Variants in NFIC observed in about 807,000 individuals in gnomAD.
NFIC encodes nuclear factor 1 C-type.
Under a neutral mutation model 54.4 loss-of-function variants are expected in NFIC, and 12 were observed. The observed-to-expected ratio is 0.22, with a 90% confidence interval of 0.14 to 0.36. The LOEUF (loss-of-function observed/expected upper bound fraction) is 0.36, where lower values mean the gene tolerates loss of function less well. NFIC is among the 10% of genes least tolerant of loss of function. The probability of loss-of-function intolerance (pLI) is 1.00; values close to 1 mark genes in which losing one functional copy is unlikely to be tolerated. For synonymous variants in NFIC, 322 were observed against 319.2 expected (o/e 1.01, Z -0.09); for missense variants, 575 against 718.2 (o/e 0.80, Z 2.28).
upstream of NFIC, among the ~76,000 whole-genome samples, chr19:3,364,475 G>A (rs918735412): frequency 6.6e-5 from 10 of 152,108 alleles, no homozygotes; most frequent in Admixed American, 5.9e-4. Context: ...TGTGTGCTGC[G>A]GGGGTCCCTT....
chr19:3,451,588 G>A (rs1381694481), intron 7 of NFIC, among the ~76,000 whole-genome samples: 1 of 150,158 alleles, frequency 6.7e-6, no homozygotes, highest in Non-Finnish European at 1.5e-5. Context: ...CCATGATCAT[G>A]CCCCTGCACT....
chr19:3,385,563 GGTT>G lies in NFIC; in HGVS notation c.562+3330_562+3332del, dbSNP rs1265868282. On this transcript the variant is annotated intron_variant, in intron 2 of 10. Coordinates refer to ENST00000443272, the MANE Select transcript of NFIC (RefSeq NM_001245002.2). ...GTTTGGGTTTTTTGGGGGTTTTTTTGGTTGTTGTTGTTTTTTTTTTTTTTTTTG... is the reference window on the plus strand; with the variant it reads ...GTTTGGGTTTTTTGGGGGTTTTTTTGGTTGTTGTTTTTTTTTTTTTTTTTG... 5.3e-4 allele frequency among the ~76,000 whole-genome samples: 73 copies of G among 137,782 alleles called. 2 individuals are homozygous for G. In the Middle Eastern group the frequency reaches 0.015, roughly 28 times the overall value. 90.4% of individuals were successfully genotyped at this position (137,782 alleles called of 152,430 possible).
rs1293171109 is a variant in NFIC at position 3,369,274 on chromosome 19, C to G, written c.30+2608C>G. ...GTTTCTCTCCAATATGTCTGTCTGT[C>G]TCTTCATCTCTGTCTCACCTTCCCT... On this transcript the variant is annotated intron_variant, in intron 1 of 10. Coordinates refer to ENST00000443272, the MANE Select transcript of NFIC (RefSeq NM_001245002.2). This position sits in a 1 kb window ranked among gnomAD's most constrained non-coding sequence, Gnocchi z 4.3. 6.6e-6 allele frequency among the ~76,000 whole-genome samples: 1 copy of G among 151,580 alleles called. No homozygotes were observed. Among genetic ancestry groups the G allele is most frequent in the Admixed American group, 6.6e-5 (1 of 15,194 alleles).
In NFIC at chr19:3,462,686, A is replaced by C. The variant is rs6510756; in HGVS notation, c.1510-66A>C. 4.1e-3 allele frequency: 6,390 copies of C among 1,557,814 alleles called. 238 individuals carry two copies. In the African/African-American group the frequency reaches 0.076, roughly 18 times the overall value. On this transcript the variant is annotated intron_variant, in intron 10 of 10. Coordinates refer to ENST00000443272, the MANE Select transcript of NFIC (RefSeq NM_001245002.2). The stretch of plus-strand genomic sequence containing the variant: ...AAGAGGTAAACCATGTCTGCAGCAG[A>C]GTCTGACCCCTCGACTTCTCTCCCT...
intron 9 of NFIC, among the ~76,000 whole-genome samples, chr19:3,455,180 C>T (rs1449803974): frequency 6.6e-6 from 1 of 152,254 alleles, no homozygotes; most frequent in Non-Finnish European, 1.5e-5. Flanking sequence ...TCCCTGCCTG[C>T]TCATCTGTGA....
intron 2 of NFIC, among the ~76,000 whole-genome samples, chr19:3,390,024 C>T (rs1352111973): frequency 6.6e-6 from 1 of 152,230 alleles, no homozygotes; most frequent in East Asian, 1.9e-4. Flanking sequence ...CTCATTTCCT[C>T]CCTGGATTCT....
intron 2 of NFIC, among the ~76,000 whole-genome samples, chr19:3,405,877 A>G (rs1489973278): frequency 4.6e-5 from 7 of 151,738 alleles, no homozygotes; most frequent in Admixed American, 3.9e-4. Context: ...TGCTGGGATT[A>G]TACGTGTGAG....
At chr19:3,427,534 A>C (rs1249436663) in intron 3 of NFIC, among the ~76,000 whole-genome samples, 7 of 152,096 alleles carry the variant, frequency 4.6e-5, no homozygotes, top group African/African-American at 7.2e-5. Flanking sequence ...GGAGAGATGA[A>C]AAAGAAGGAA....
chr19:3,418,161 C>T (rs1298363246), intron 2 of NFIC, among the ~76,000 whole-genome samples: 3 of 148,940 alleles, frequency 2.0e-5, no homozygotes, highest in Non-Finnish European at 4.4e-5. Flanking sequence ...TGCGGTGACT[C>T]CATCATAACT....
In NFIC at chr19:3,459,436, G is replaced by T. The variant is rs570631629; in HGVS notation, c.1509+2801G>T. The stretch of plus-strand genomic sequence containing the variant: ...ACATTTCTCCTGCACGGGAACCCAC[G>T]TAAGCAGCTGGGTAAACCGAGGGTG... On this transcript the variant is annotated intron_variant, in intron 10 of 10. Transcript: ENST00000443272. This position sits in a 1 kb window ranked among gnomAD's most constrained non-coding sequence, Gnocchi z 4.2. 8.6e-5 allele frequency among the ~76,000 whole-genome samples: 13 copies of T among 151,822 alleles called. No homozygotes were observed. In the South Asian group the frequency reaches 2.7e-3, roughly 31 times the overall value.
At chr19:3,399,093 C>T (rs1320280768) in intron 2 of NFIC, among the ~76,000 whole-genome samples, 3 of 152,206 alleles carry the variant, frequency 2.0e-5, no homozygotes, top group Non-Finnish European at 4.4e-5. Flanking sequence ...GTCTCTGAGC[C>T]TCAGCCTCCC....
At chr19:3,416,440 A>T (rs907135204) in intron 2 of NFIC, among the ~76,000 whole-genome samples, 61 of 150,716 alleles carry the variant, frequency 4.0e-4, no homozygotes, top group African/African-American at 1.4e-3. Flanking sequence ...AAATATACTT[A>T]CGCCATTAAA....
At chr19:3,420,366 C>A (rs1449344967) in intron 2 of NFIC, among the ~76,000 whole-genome samples, 2 of 151,820 alleles carry the variant, frequency 1.3e-5, no homozygotes, top group African/African-American at 2.4e-5. Flanking sequence ...CATGGTGAAA[C>A]CCTATCTCTA....
chr19:3,401,196 C>T (rs1395989115), intron 2 of NFIC, among the ~76,000 whole-genome samples: 6 of 152,078 alleles, frequency 3.9e-5, no homozygotes, highest in African/African-American at 1.4e-4. Flanking sequence ...GCCTGGTGGG[C>T]AGTAGGAAGG....
intron 3 of NFIC, among the ~76,000 whole-genome samples, chr19:3,428,647 C>T (rs1434125164): frequency 1.3e-5 from 2 of 152,112 alleles, no homozygotes; most frequent in African/African-American, 4.8e-5. Flanking sequence ...CTGTGATCCC[C>T]AGACGCCTCT....
chr19:3,449,597 TA>T (rs2082426078), intron 7 of NFIC, among the ~76,000 whole-genome samples: 1 of 151,394 alleles, frequency 6.6e-6, no homozygotes, highest in African/African-American at 2.4e-5. Flanking sequence ...CCATCTCTAC[TA>T]AAAATACAAA....
Position 3,464,437 on chromosome 19 carries a change from A to G in NFIC, c.*1668A>G, listed in dbSNP as rs1395529898. The G allele has an allele frequency of 4.6e-6, 4 of 868,890 alleles. No individual in the cohort carries two copies. Among genetic ancestry groups the G allele is most frequent in the Non-Finnish European group, 3.9e-6 (3 of 778,828 alleles). The allele number at this position is 868,890 out of a possible 1,614,324, so 53.8% of individuals were successfully genotyped here. A position where few individuals can be genotyped will look rare whatever the true frequency, so the allele number is the denominator to read the frequency against. ...TGGCCCTATCCACACCTCCACCCCCACCCCAGGATCGCCATCTTTAGGGGA... is the reference window on the plus strand; with the variant it reads ...TGGCCCTATCCACACCTCCACCCCCGCCCCAGGATCGCCATCTTTAGGGGA... On this transcript the variant is annotated 3_prime_UTR_variant, in exon 11 of 11. Transcript: ENST00000443272.
chr19:3,456,881 C>T (rs1399639531), intron 10 of NFIC: 3 of 558,988 alleles, frequency 5.4e-6, no homozygotes, highest in African/African-American at 3.8e-5. Context: ...TCCCCAGGAG[C>T]GTCTCTGGAG....
At chr19:3,409,388 C>T (rs1484364374) in intron 2 of NFIC, among the ~76,000 whole-genome samples, 1 of 152,194 alleles carries the variant, frequency 6.6e-6, no homozygotes, top group African/African-American at 2.4e-5. Context: ...CCCCCAAAGC[C>T]ATTCTGCCTT....
Sources: gnomAD v4.1 joint callset for allele counts (sites outside exome capture counted in the v4.1 genomes callset) on GRCh38, gnomAD v4.1.1 for gene constraint, Gnocchi (gnomAD v3.1) non-coding constraint, MANE v1.5 for transcripts, NCBI Gene and HGNC (gene_info 2026-07-23, HGNC 2026-07-21) for gene names.